The following ZSCAN2 variants were observed in gnomAD, a reference collection of about 807,000 sequenced individuals.
ZSCAN2 encodes the protein zinc finger and SCAN domain containing 2.
ZSCAN2 carries 26 observed loss-of-function variants against 47.8 expected under a neutral mutation model. The observed-to-expected ratio is 0.54, with a 90% CI of 0.40 to 0.75. The LOEUF is 0.75. Among genes scored for constraint, ZSCAN2 ranks in the 30% least tolerant of loss-of-function variants. The pLI, the probability that ZSCAN2 is intolerant of heterozygous loss-of-function variation, is 0.00. For synonymous variants in ZSCAN2, 305 were observed against 288.7 expected (o/e 1.06, Z -0.57); for missense variants, 732 against 785.4 (o/e 0.93, Z 0.81).
chr15:84,616,516 C>T, intron 2 of ZSCAN2: 1 of 1,357,198 alleles, frequency 7.4e-7, no homozygotes, highest in Non-Finnish European at 9.5e-7. Context: ...ATTGCTTTTA[C>T]CCAGTCTGCT....
At chr15:84,615,945 A>C (rs1895681479) in intron 2 of ZSCAN2, among the ~76,000 whole-genome samples, 1 of 152,148 alleles carries the variant, frequency 6.6e-6, no homozygotes, top group African/African-American at 2.4e-5. Context: ...TTTTCTCAGT[A>C]ATAGTAATTC....
At chr15:84,612,530 C>G (rs912650201) in intron 2 of ZSCAN2, among the ~76,000 whole-genome samples, 1 of 152,176 alleles carries the variant, frequency 6.6e-6, no homozygotes, top group Admixed American at 6.5e-5. Flanking sequence ...GTCAGGAGAT[C>G]GAGACTATCC....
chr15:84,618,337 G>C (rs1047201191), intron 2 of ZSCAN2, among the ~76,000 whole-genome samples: 22 of 152,124 alleles, frequency 1.4e-4, no homozygotes, highest in African/African-American at 5.3e-4. Flanking sequence ...AGAATCTCTT[G>C]AACTCGGGAG....
chr15:84,617,605 A>G (rs1895724835), intron 2 of ZSCAN2, among the ~76,000 whole-genome samples: 1 of 152,080 alleles, frequency 6.6e-6, no homozygotes, highest in East Asian at 1.9e-4. Context: ...TGTCAGTGTA[A>G]GCATGGAGTT....
In ZSCAN2 at chr15:84,609,556, C is replaced by T. The variant is rs16974008; in HGVS notation, c.406+5223C>T. On this transcript the variant is annotated intron_variant, in intron 2 of 2. Coordinates refer to ENST00000546148, the MANE Select transcript of ZSCAN2 (RefSeq NM_181877.4). ...GGACAGAATTCTTAGGGAGCGGTAA[C>T]GTTATACCTATGAAATGTTTAGCAT... Among the ~76,000 whole-genome samples, 1,431 of 152,230 alleles carry T rather than the reference C, an allele frequency of 9.4e-3. 30 individuals are homozygous for T. Among genetic ancestry groups the T allele is most frequent in the African/African-American group, 0.033 (1,385 of 41,544 alleles).
At position 84,621,445 on chromosome 15, in the gene ZSCAN2, C is replaced by G. The variant is rs1895814370; in HGVS notation, c.1250C>G (p.Pro417Arg). Residue 417 changes from proline to arginine, a missense_variant, in exon 3 of 3, where the codon CCC becomes CGC. Around this residue, in one of 2 missense-constraint regions of ZSCAN2, gnomAD observed 412 missense variants for 498.0 expected, o/e 0.83. Transcript: ENST00000546148. This position sits in a 1 kb window ranked among gnomAD's most constrained non-coding sequence, Gnocchi z 5.7. ...CGGAGAACCCACACAGGAGAGAAAC[C>G]CTACCAGTGCAGCGAGTGTGGGAAA... ...THRRTHTGEK[P>R]YQCSECGKSF... 2 of 1,614,130 alleles carry G rather than the reference C, an allele frequency of 1.2e-6. No individual in the cohort carries two copies. The highest frequency in any genetic ancestry group is 1.7e-6 in the Non-Finnish European group (2 of 1,180,028).
chr15:84,604,554 T>G (rs1328769723), intron 2 of ZSCAN2, among the ~76,000 whole-genome samples: 1 of 152,106 alleles, frequency 6.6e-6, no homozygotes, highest in African/African-American at 2.4e-5. Flanking sequence ...AGAGCTACAT[T>G]TGAATTGTAA....
intron 2 of ZSCAN2, among the ~76,000 whole-genome samples, chr15:84,613,117 G>A (rs1443430780): frequency 1.3e-5 from 2 of 152,062 alleles, no homozygotes; most frequent in Non-Finnish European, 2.9e-5. Context: ...TCTTCTCCAT[G>A]GATTTAAGAG....
intron 2 of ZSCAN2, among the ~76,000 whole-genome samples, chr15:84,611,464 A>G (rs565013734): frequency 1.2e-4 from 18 of 149,392 alleles, no homozygotes; most frequent in African/African-American, 4.4e-4. Flanking sequence ...AAAAACAACA[A>G]CAGGCCAGTC....
At chr15:84,616,468 C>T in intron 2 of ZSCAN2, 3 of 1,494,600 alleles carry the variant, frequency 2.0e-6, no homozygotes, top group Non-Finnish European at 2.7e-6. Flanking sequence ...CCTCCCACCC[C>T]AGGGCTCTCC....
At chr15:84,605,053 A>G (rs1895340343) in intron 2 of ZSCAN2, among the ~76,000 whole-genome samples, 2 of 152,178 alleles carry the variant, frequency 1.3e-5, no homozygotes, top group Admixed American at 1.3e-4. Context: ...GGTTATTTTT[A>G]TGAAACCAAG....
At chr15:84,609,088 C>G (rs916592849) in intron 2 of ZSCAN2, among the ~76,000 whole-genome samples, 1 of 152,346 alleles carries the variant, frequency 6.6e-6, no homozygotes, top group East Asian at 1.9e-4. Context: ...TCAGAGGCAA[C>G]AGGTGATTTG....
At chr15:84,613,981 C>CTTT (rs35815000) in intron 2 of ZSCAN2, among the ~76,000 whole-genome samples, 2,648 of 52,292 alleles carry the variant, frequency 0.051, 667 homozygotes, top group African/African-American at 0.13. Flanking sequence ...CTCTTGGCCT[C>CTTT]TTTTTTTTTT....
chr15:84,604,730 TC>T (rs1469485372), intron 2 of ZSCAN2, among the ~76,000 whole-genome samples: 11 of 140,286 alleles, frequency 7.8e-5, no homozygotes, highest in African/African-American at 1.4e-4. Flanking sequence ...GACTTTTTTT[TC>T]TTTTTTCTTT....
In ZSCAN2 at chr15:84,621,653, C is replaced by T; in HGVS notation, c.1458C>T (p.Ser486=). Residue 486 remains serine, a synonymous_variant, in exon 3 of 3, where the codon AGC becomes AGT. Transcript: ENST00000546148. The surrounding 1 kb of genome is among the most constrained non-coding windows in gnomAD (Gnocchi z 5.7). ...CATGTGGGGAGAGCTTCAGCTGGAG[C>T]TCCAACCTCCTCAAGCACCAGAGGA... is the stretch of plus-strand genomic sequence containing the variant. ...CLTCGESFSW[S]SNLLKHQRIH... is the part of the protein sequence containing the mutation. 1 of 1,613,218 alleles carries T rather than the reference C, an allele frequency of 6.2e-7. No homozygotes were observed. Among genetic ancestry groups the T allele is most frequent in the East Asian group, 2.2e-5 (1 of 44,800 alleles).
In ZSCAN2 at chr15:84,620,906, C is replaced by T. The variant is rs1451578543; in HGVS notation, c.711C>T (p.Leu237=). ...AGACCTTCAGCCGGAAATCCCACCT[C>T]ATCACACACGAGAGGACCCACACAG... is the stretch of plus-strand genomic sequence containing the variant. ...CGKTFSRKSH[L]ITHERTHTGE... Residue 237 remains leucine (L), a synonymous_variant, in exon 3 of 3, where the codon CTC becomes CTT. Transcript: ENST00000546148. 2 of 1,614,136 alleles carry T rather than the reference C, an allele frequency of 1.2e-6. No individual in the cohort carries two copies. The highest frequency in any genetic ancestry group is 4.5e-5 in the East Asian group (2 of 44,872).
chr15:84,616,296 C>T (rs763255402), intron 2 of ZSCAN2: 11 of 1,264,848 alleles, frequency 8.7e-6, no homozygotes, highest in East Asian at 2.3e-5. Context: ...CTCTTTCCTT[C>T]TCTGCTTTCC....
At chr15:84,609,254 T>TC (rs1895473421) in intron 2 of ZSCAN2, among the ~76,000 whole-genome samples, 1 of 149,354 alleles carries the variant, frequency 6.7e-6, no homozygotes, top group Non-Finnish European at 1.5e-5. Flanking sequence ...CTTTTATATA[T>TC]ATATATACAC....
In ZSCAN2 at chr15:84,621,604, G is replaced by C. The variant is rs779129564; in HGVS notation, c.1409G>C (p.Gly470Ala). 4.3e-6 allele frequency: 7 copies of C among 1,613,944 alleles called. No homozygotes were observed. Among genetic ancestry groups the C allele is most frequent in the Non-Finnish European group, 5.9e-6 (7 of 1,180,012 alleles). The change falls in exon 3 of 3, where the codon GGG becomes GCG. Residue 470 changes from glycine to alanine, a missense_variant. Transcript: ENST00000546148. This position sits in a 1 kb window ranked among gnomAD's most constrained non-coding sequence, Gnocchi z 5.7. ...ATTGCACACCAGGGCATGCACACAGGGGAGAAACCCTACGAGTGCCTGACA... is the reference window on the plus strand; with the variant it reads ...ATTGCACACCAGGGCATGCACACAGCGGAGAAACCCTACGAGTGCCTGACA... ...SLIAHQGMHT[G>A]EKPYECLTCG...
Sources: gnomAD v4.1 joint callset for allele counts (sites outside exome capture counted in the v4.1 genomes callset) on GRCh38, gnomAD v4.1.1 for gene constraint, gnomAD v4.1.1 regional missense constraint, Gnocchi (gnomAD v3.1) non-coding constraint, MANE v1.5 for transcripts, NCBI Gene and HGNC (gene_info 2026-07-23, HGNC 2026-07-21) for gene names.